The following DDX60L variants were observed in gnomAD, a reference collection of about 807,000 sequenced individuals.
The protein encoded by DDX60L is probable ATP-dependent RNA helicase DDX60-like.
A neutral mutation model predicts 211.6 loss-of-function variants in DDX60L; 191 were observed. The ratio of observed to expected loss-of-function variants is 0.90; its 90% CI spans 0.80 to 1.02. The LOEUF (loss-of-function observed/expected upper bound fraction) is 1.02, where lower values mean the gene tolerates loss of function less well. DDX60L is among the 50% of genes least tolerant of loss of function. The pLI is 0.00. For missense variants in DDX60L, 2,007 were observed against 1,984.1 expected, an observed-to-expected ratio of 1.01 and a Z score of -0.22; for synonymous variants, 706 against 694.1, an observed-to-expected ratio of 1.02 and a Z score of -0.27.
intron 37 of DDX60L, among the ~76,000 whole-genome samples, chr4:168,359,876 C>A (rs1230731060): frequency 6.6e-6 from 1 of 152,134 alleles, no homozygotes; most frequent in Non-Finnish European, 1.5e-5. Context: ...GGGCCTATCC[C>A]CGAATACATC....
intron 11 of DDX60L, 88 bp from the exon 12 acceptor site, chr4:168,432,658 A>G: frequency 2.8e-6 from 2 of 717,032 alleles, no homozygotes; most frequent in Non-Finnish European, 4.3e-6. Flanking sequence ...AAATTGTACA[A>G]CCTCTTTTTC....
intron 28 of DDX60L, among the ~76,000 whole-genome samples, chr4:168,392,544 G>GA (rs915139546): frequency 5.0e-4 from 75 of 148,888 alleles, no homozygotes; most frequent in Middle Eastern, 3.5e-3. Context: ...GTATCATTTA[G>GA]AAAAAAAAAA....
At chr4:168,462,241 T>C (rs148284126) in intron 4 of DDX60L, among the ~76,000 whole-genome samples, 7 of 152,328 alleles carry the variant, frequency 4.6e-5, no homozygotes, top group Admixed American at 1.3e-4. Context: ...TCTCTTTTAT[T>C]TGAGCAGGCA....
intron 36 of DDX60L, among the ~76,000 whole-genome samples, chr4:168,365,030 A>C (rs1739728781): frequency 6.6e-6 from 1 of 152,212 alleles, no homozygotes; most frequent in Non-Finnish European, 1.5e-5. Context: ...CAGAAAAAGC[A>C]GTTTTAAAAT....
At chr4:168,411,379 C>A (rs1249879274) in intron 22 of DDX60L, among the ~76,000 whole-genome samples, 1 of 152,162 alleles carries the variant, frequency 6.6e-6, no homozygotes, top group African/African-American at 2.4e-5. Flanking sequence ...CCAGCAGTGG[C>A]CACATGGCAT....
intron 4 of DDX60L, among the ~76,000 whole-genome samples, chr4:168,466,838 C>A (rs909708000): frequency 6.6e-6 from 1 of 152,144 alleles, no homozygotes; most frequent in Non-Finnish European, 1.5e-5. Context: ...GCTTTGTTGC[C>A]TGCTACACAG....
In DDX60L at chr4:168,400,815, T is replaced by C. The variant is rs770183446; in HGVS notation, c.3491+11A>G. On this transcript the variant is annotated intron_variant, in intron 26 of 37. Coordinates refer to ENST00000682922, the MANE Select transcript of DDX60L (RefSeq NM_001012967.3). The stretch of plus-strand genomic sequence containing the variant: ...AGGGGCCAATTTGTTTAAGTAAACA[T>C]TAATACTTACATCCTTTTCTGTGTC... 6.9e-6 allele frequency: 11 copies of C among 1,603,456 alleles called. No homozygotes were observed. In the Admixed American group the frequency reaches 1.7e-4, roughly 25 times the overall value.
chr4:168,470,531 T>C (rs1014782670), intron 4 of DDX60L: 1 of 152,200 alleles, frequency 6.6e-6, no homozygotes, highest in African/African-American at 2.4e-5. Flanking sequence ...AAATATTATG[T>C]TGAATGAAAG....
Position 168,403,871 on chromosome 4 carries a change from TA to T in DDX60L, c.3338+110del, listed in dbSNP as rs1034537576. ...ATTTTTCTAAAATGCAACAAAATGG[TA>T]AAAGTAGGGTTACTTCTAACCACTA... On this transcript the variant is annotated intron_variant, in intron 25 of 37. Transcript: ENST00000682922. 21 of 518,574 alleles carry T rather than the reference TA, an allele frequency of 4.0e-5. No homozygotes were observed. The Admixed American group carries it at 6.6e-4, about 16-fold the overall frequency. The allele number at this position is 518,574 out of a possible 1,614,324, so 32.1% of individuals were successfully genotyped here.
At chr4:168,377,846 T>C (rs1294807290) in intron 33 of DDX60L, 1 of 152,206 alleles carries the variant, frequency 6.6e-6, no homozygotes, top group African/African-American at 2.4e-5. Context: ...TGTTGTGTCT[T>C]TAAAAAAATA....
At chr4:168,376,024 A>T (rs528701212) in intron 33 of DDX60L, among the ~76,000 whole-genome samples, 68 of 152,332 alleles carry the variant, frequency 4.5e-4, no homozygotes, top group African/African-American at 1.6e-3. Context: ...ACAGAGGTAA[A>T]CTTGTTCCAA....
Position 168,472,689 on chromosome 4 carries a change from G to T in DDX60L, c.4+7C>A, listed in dbSNP as rs752775079. 1.9e-6 allele frequency: 3 copies of T among 1,613,260 alleles called. No homozygotes were observed. Among genetic ancestry groups the T allele is most frequent in the Non-Finnish European group, 2.5e-6 (3 of 1,179,636 alleles). ...ATAGGCTACAAATATCAAAGATTGA[G>T]AATTACCCATCGTTGCTGCTTCTTG... On this transcript the variant is annotated splice_region_variant and intron_variant, in intron 2 of 37. Coordinates refer to ENST00000682922, the MANE Select transcript of DDX60L (RefSeq NM_001012967.3).
At chr4:168,417,220 A>T (rs1196054337) in intron 19 of DDX60L, among the ~76,000 whole-genome samples, 1 of 152,170 alleles carries the variant, frequency 6.6e-6, no homozygotes, top group Admixed American at 6.5e-5. Flanking sequence ...CTGTCCTCCC[A>T]ATGCATTTAC....
At position 168,451,458 on chromosome 4, in the gene DDX60L, C is replaced by T. The variant is rs190789406; in HGVS notation, c.996+1666G>A. 1.2e-4 allele frequency among the ~76,000 whole-genome samples: 18 copies of T among 152,326 alleles called. No homozygotes were observed. The East Asian group carries it at 3.5e-3, about 29-fold the overall frequency. On this transcript the variant is annotated intron_variant, in intron 8 of 37. Transcript: ENST00000682922. ...TGAAAGTCATCATTGACTCTTCCTT[C>T]TCCCTTCTGCCTCATATCCTGTTCC...
At chr4:168,421,624 C>T in intron 17 of DDX60L, 136 bp downstream of exon 17, 2 of 1,231,710 alleles carry the variant, frequency 1.6e-6, no homozygotes, top group Non-Finnish European at 2.3e-6. Context: ...CACTGCACTC[C>T]AGCCTGAGTG....
At chr4:168,404,730 T>A (rs1252447584) in intron 24 of DDX60L, among the ~76,000 whole-genome samples, 5 of 152,190 alleles carry the variant, frequency 3.3e-5, no homozygotes, top group Admixed American at 3.3e-4. Context: ...ATAAACAGCA[T>A]CTACCTCTTT....
At chr4:168,478,084 G>A (rs560044799) in intron 1 of DDX60L, among the ~76,000 whole-genome samples, 5 of 151,102 alleles carry the variant, frequency 3.3e-5, no homozygotes, top group South Asian at 2.1e-4. Flanking sequence ...GAAGGGAAGC[G>A]AAGGGGAGGG....
chr4:168,360,643 T>C (rs1178789886), intron 37 of DDX60L, among the ~76,000 whole-genome samples: 5 of 152,186 alleles, frequency 3.3e-5, no homozygotes, highest in Non-Finnish European at 7.3e-5. Flanking sequence ...AGTGCCCACA[T>C]AGAGTTCATA....
In DDX60L at chr4:168,394,605, C is replaced by A. The variant is rs752966427; in HGVS notation, c.3670G>T (p.Val1224Leu). ...CTTGTAAATCGCACTCGCGGTAATA[C>A]CCTCTCCAAAGTCTAAAACAAGAAA... ...TRNKDSTLER[V>L]LPRVRFTRHG... The change falls in exon 28 of 38, where the codon GTA becomes TTA. Residue 1224 changes from valine (V) to leucine (L), a missense_variant. Transcript: ENST00000682922. 15 of 1,600,434 alleles carry A rather than the reference C, an allele frequency of 9.4e-6. No individual in the cohort carries two copies. In the African/African-American group the frequency reaches 1.9e-4, roughly 20 times the overall value.
Sources: gnomAD v4.1 joint callset for allele counts (sites outside exome capture counted in the v4.1 genomes callset) on GRCh38, gnomAD v4.1.1 for gene constraint, MANE v1.5 for transcripts, NCBI Gene and HGNC (gene_info 2026-07-23, HGNC 2026-07-21) for gene names.